IREB2: variants seen among roughly 807,000 people sequenced by gnomAD.
IREB2 encodes the protein iron-responsive element-binding protein 2.
In IREB2, 39 loss-of-function variants were observed where a neutral mutation model predicts 118.8. The ratio of observed to expected loss-of-function variants is 0.33; its 90% CI spans 0.25 to 0.43. The LOEUF is 0.43. Among genes scored for constraint, IREB2 ranks in the 20% least tolerant of loss-of-function variants. The pLI is 1.00. For synonymous variants in IREB2, 372 were observed against 392.2 expected (o/e 0.95, Z 0.61); for missense variants, 900 against 1,147.3 (o/e 0.78, Z 3.11).
intron 2 of IREB2, among the ~76,000 whole-genome samples, chr15:78,442,166 G>C (rs1021191692): frequency 6.6e-6 from 1 of 152,126 alleles, no homozygotes; most frequent in Non-Finnish European, 1.5e-5. Flanking sequence ...AAAGTGCTGG[G>C]ATTACAGGAG....
At chr15:78,445,976 G>A (rs1722299430) in intron 2 of IREB2, among the ~76,000 whole-genome samples, 1 of 151,996 alleles carries the variant, frequency 6.6e-6, no homozygotes, top group African/African-American at 2.4e-5. Context: ...GTAGAGACAG[G>A]GTCTCCCTAC....
chr15:78,480,147 T>C (rs1026768434), intron 10 of IREB2: 1 of 152,176 alleles, frequency 6.6e-6, no homozygotes, highest in Non-Finnish European at 1.5e-5. Flanking sequence ...ATAGTAGATA[T>C]TCAGTAAACG....
rs3743079 is a variant in IREB2, at chr15:78,498,719, C to T, written c.*576C>T. The T allele has an allele frequency of 0.15, 23,080 of 152,480 alleles. 1,784 individuals carry two copies. Among genetic ancestry groups the T allele is most frequent in the Non-Finnish European group, 0.16 (10,953 of 68,074 alleles). The allele number at this position is 152,480 out of a possible 1,614,324, so 9.4% of individuals were successfully genotyped here. On this transcript the variant is annotated 3_prime_UTR_variant, in exon 22 of 22. Transcript: ENST00000258886. ...TAACTGCAAGGGATGGAACCTGCCC[C>T]AGGTCACAATCATTCTGTCCAATCC...
chr15:78,497,043 A>G, intron 20 of IREB2, 83 bp from the exon 21 acceptor site: 3 of 987,208 alleles, frequency 3.0e-6, no homozygotes, highest in South Asian at 1.5e-5. Context: ...GAGAAAGGCC[A>G]AAGTAGATTT....
rs972178662 is a variant in IREB2 at position 78,500,218 on chromosome 15, T to C, written c.*2075T>C. Reference sequence around the variant, plus strand: ...GGCACAGGCATCCTCAGCAGCTGATTCAGGAGATGATGGTAAAGCTAGCTA... The same window carrying C: ...GGCACAGGCATCCTCAGCAGCTGATCCAGGAGATGATGGTAAAGCTAGCTA... On this transcript the variant is annotated 3_prime_UTR_variant, in exon 22 of 22. Transcript: ENST00000258886. 1.3e-5 allele frequency: 2 copies of C among 152,196 alleles called. No individual in the cohort carries two copies. The highest frequency in any genetic ancestry group is 4.8e-5 in the African/African-American group (2 of 41,434). The allele number at this position is 152,196 out of a possible 1,614,324, so 9.4% of individuals were successfully genotyped here. A position where few individuals can be genotyped will look rare whatever the true frequency, so the allele number is the denominator to read the frequency against.
In IREB2 at chr15:78,500,964, G is replaced by A. The variant is rs550260123; in HGVS notation, c.*2821G>A. ...TGCCTGCATATATGGTAACAAGGTC[G>A]TGTGCATTTGCTTTCACAGTGATGA... On this transcript the variant is annotated 3_prime_UTR_variant, in exon 22 of 22. Coordinates refer to ENST00000258886, the MANE Select transcript of IREB2 (RefSeq NM_004136.4). 3.3e-5 allele frequency: 5 copies of A among 152,206 alleles called. No homozygotes were observed. Among genetic ancestry groups the A allele is most frequent in the South Asian group, 2.1e-4 (1 of 4,830 alleles). The allele number at this position is 152,206 out of a possible 1,614,324, so 9.4% of individuals were successfully genotyped here.
intron 7 of IREB2, 133 bp from the exon 8 acceptor site, chr15:78,473,109 C>T (rs1596001846): frequency 1.3e-6 from 1 of 780,752 alleles, no homozygotes; most frequent in East Asian, 2.6e-5. Context: ...TCAGTGTCCA[C>T]ATTAATAGCA....
intron 20 of IREB2, among the ~76,000 whole-genome samples, chr15:78,496,784 A>G (rs10450995): frequency 0.013 from 1,989 of 152,164 alleles, 65 homozygotes; most frequent in African/African-American, 0.045. Context: ...TGTTGAAAAC[A>G]TATGTTAGAT....
At chr15:78,462,743 C>T (rs1433012325) in intron 2 of IREB2, among the ~76,000 whole-genome samples, 179 bp from the exon 3 acceptor site, 2 of 152,128 alleles carry the variant, frequency 1.3e-5, no homozygotes, top group Non-Finnish European at 2.9e-5. Flanking sequence ...AAGTCAGTTA[C>T]AAAACACCTG....
Position 78,497,327 on chromosome 15 carries a change from T to C in IREB2, c.2781+16T>C, listed in dbSNP as rs1257162450. ...GAATATACAGGTATCTCTAAATTTT[T>C]CAAATATATGATTATGCACTCAAAT... On this transcript the variant is annotated intron_variant, in intron 21 of 21. Transcript: ENST00000258886. The C allele has an allele frequency of 1.9e-6, 3 of 1,566,784 alleles. No homozygotes were observed. In the African/African-American group the frequency reaches 4.1e-5, roughly 21 times the overall value.
At chr15:78,447,644 A>G (rs951612366) in intron 2 of IREB2, among the ~76,000 whole-genome samples, 5 of 149,806 alleles carry the variant, frequency 3.3e-5, no homozygotes, top group African/African-American at 9.8e-5. Context: ...TTTTTTTTTT[A>G]TCTTTTATAG....
Position 78,499,044 on chromosome 15 carries a change from T to A in IREB2, c.*901T>A, listed in dbSNP as rs909638479. The A allele has an allele frequency of 7.2e-5, 11 of 152,246 alleles. No homozygotes were observed. The highest frequency in any genetic ancestry group is 1.6e-4 in the Non-Finnish European group (11 of 68,042). The allele number at this position is 152,246 out of a possible 1,614,324, so 9.4% of individuals were successfully genotyped here. On this transcript the variant is annotated 3_prime_UTR_variant, in exon 22 of 22. Transcript: ENST00000258886. Reference sequence around the variant, plus strand: ...GTTATTCAATCATTAAACTCTGAACTGATTTCTTCTATACATTTAAATTAT... The same window carrying A: ...GTTATTCAATCATTAAACTCTGAACAGATTTCTTCTATACATTTAAATTAT...
intron 2 of IREB2, among the ~76,000 whole-genome samples, chr15:78,452,889 G>T (rs1474404129): frequency 6.6e-6 from 1 of 152,206 alleles, no homozygotes; most frequent in Admixed American, 6.5e-5. Flanking sequence ...ATTACTCACA[G>T]CAAAGCATTA....
chr15:78,464,625 C>G (rs1164033761), intron 3 of IREB2, among the ~76,000 whole-genome samples: 2 of 152,134 alleles, frequency 1.3e-5, no homozygotes, highest in East Asian at 3.8e-4. Flanking sequence ...ACTCTGTCAC[C>G]TAGGCTGGAG....
chr15:78,447,319 C>T (rs1313496330), intron 2 of IREB2, among the ~76,000 whole-genome samples: 2 of 148,098 alleles, frequency 1.4e-5, no homozygotes, highest in Admixed American at 1.4e-4. Context: ...GAAGACACCA[C>T]TACACCTGGC....
rs772202894 is a variant in IREB2, at chr15:78,466,484, G to A, written c.624G>A (p.Val208=). The A allele has an allele frequency of 1.2e-6, 2 of 1,605,476 alleles. No individual in the cohort carries two copies. The highest frequency in any genetic ancestry group is 1.1e-5 in the South Asian group (1 of 90,856). ...TGTGTCCTTTTCATTTGCAACCAGT[G>A]CCTGAGTATGAGATTGTTTTTCTTA... ...PILCPFHLQP[V]PEPETVLKNQ... The change falls in exon 5 of 22, where the codon GTG becomes GTA. Residue 208 remains valine (V), a synonymous_variant. Transcript: ENST00000258886.
At position 78,499,583 on chromosome 15, in the gene IREB2, A is replaced by C. The variant is rs2051904330; in HGVS notation, c.*1440A>C. On this transcript the variant is annotated 3_prime_UTR_variant, in exon 22 of 22. Coordinates refer to ENST00000258886, the MANE Select transcript of IREB2 (RefSeq NM_004136.4). ...TGCACATAATCATACAATCTTTTGA[A>C]AATATTTTGCAAATATGTGTTTAGA... The C allele has an allele frequency of 6.6e-6, 1 of 152,260 alleles. No individual in the cohort carries two copies. Among genetic ancestry groups the C allele is most frequent in the African/African-American group, 2.4e-5 (1 of 41,472 alleles). The allele number at this position is 152,260 out of a possible 1,614,324, so 9.4% of individuals were successfully genotyped here.
At chr15:78,494,573 A>AT (rs932666168) in intron 20 of IREB2, among the ~76,000 whole-genome samples, 10 of 151,764 alleles carry the variant, frequency 6.6e-5, no homozygotes, top group Non-Finnish European at 8.8e-5. Context: ...CCTATTGATC[A>AT]TTTTTTTTGG....
rs542717673 is a variant in IREB2 at position 78,448,710 on chromosome 15, G to A, written c.106+8829G>A. Among the ~76,000 whole-genome samples, 4 of 152,260 alleles carry A rather than the reference G, an allele frequency of 2.6e-5. No individual in the cohort carries two copies. In the South Asian group the frequency reaches 8.3e-4, roughly 32 times the overall value. ...CTCCAGGCCCCTAGCCTTCAGCAGGGTTAGCTTTACCCTGTAGCTATGCTG... is the reference window on the plus strand; with the variant it reads ...CTCCAGGCCCCTAGCCTTCAGCAGGATTAGCTTTACCCTGTAGCTATGCTG... On this transcript the variant is annotated intron_variant, in intron 2 of 21. Transcript: ENST00000258886.
Sources: allele counts gnomAD v4.1 joint callset (sites outside exome capture counted in the v4.1 genomes callset), GRCh38; gene constraint gnomAD v4.1.1; transcripts MANE v1.5; gene names NCBI Gene and HGNC (gene_info 2026-07-23, HGNC 2026-07-21).